The following MLLT10 variants were observed in gnomAD, a reference collection of about 807,000 sequenced individuals.
MLLT10 encodes the protein protein AF-10.
In MLLT10, 30 loss-of-function variants were observed where a neutral mutation model predicts 129.1. The observed-to-expected ratio is 0.23, with a 90% CI of 0.17 to 0.32. The LOEUF (loss-of-function observed/expected upper bound fraction) is 0.32. MLLT10 is among the 10% of genes least tolerant of loss of function. The probability of loss-of-function intolerance (pLI) is 1.00; values close to 1 mark genes in which losing one functional copy is unlikely to be tolerated. For synonymous variants in MLLT10, 490 were observed against 446.4 expected (o/e 1.10, Z -1.23); for missense variants, 1,119 against 1,268.3 (o/e 0.88, Z 1.79).
In MLLT10 at chr10:21,664,455, C is replaced by T. The variant is rs200843672; in HGVS notation, c.796-5994C>T. Among the ~76,000 whole-genome samples, 45 of 151,464 alleles carry T rather than the reference C, an allele frequency of 3.0e-4. 2 individuals are homozygous for T. The highest frequency in any genetic ancestry group is 9.7e-4 in the East Asian group (5 of 5,140). On this transcript the variant is annotated intron_variant, in intron 9 of 22. Transcript: ENST00000307729. ...CAGCCTCCCAAGTAGCTGGGACTTA[C>T]CCAGCTAATTTTTGTATTTTTAGTA...
intron 2 of MLLT10, among the ~76,000 whole-genome samples, chr10:21,538,530 C>T (rs2130891063): frequency 6.6e-6 from 1 of 151,886 alleles, no homozygotes. Flanking sequence ...TGTTCTGGAA[C>T]TCCTGGGCTC....
At chr10:21,565,646 C>G (rs2039456055) in intron 3 of MLLT10, among the ~76,000 whole-genome samples, 1 of 149,790 alleles carries the variant, frequency 6.7e-6, no homozygotes, top group East Asian at 2.0e-4. Flanking sequence ...TGCTCTGTCA[C>G]CCAGGCTGCA....
chr10:21,631,207 G>A (rs892679316), intron 8 of MLLT10, among the ~76,000 whole-genome samples: 1 of 151,522 alleles, frequency 6.6e-6, no homozygotes, highest in Non-Finnish European at 1.5e-5. Flanking sequence ...CCAGCTACTC[G>A]GAAGGCTGAG....
intron 4 of MLLT10, among the ~76,000 whole-genome samples, chr10:21,594,385 A>C (rs2042813680): frequency 1.3e-5 from 2 of 151,826 alleles, no homozygotes; most frequent in African/African-American, 4.8e-5. Context: ...CCCCACCCCT[A>C]CTAAAAATAC....
intron 8 of MLLT10, among the ~76,000 whole-genome samples, chr10:21,648,252 G>T (rs576219241): frequency 6.6e-6 from 1 of 152,282 alleles, no homozygotes; most frequent in East Asian, 1.9e-4. Context: ...ATGGATATAA[G>T]CCATGCACAG....
At chr10:21,693,103 G>A (rs2054031415) in intron 13 of MLLT10, among the ~76,000 whole-genome samples, 1 of 151,888 alleles carries the variant, frequency 6.6e-6, no homozygotes, top group Admixed American at 6.6e-5. Context: ...TCATCTCTTA[G>A]CTGAAGTACT....
At chr10:21,534,573 G>T in intron 1 of MLLT10, 53 bp downstream of exon 1, 1 of 1,492,254 alleles carries the variant, frequency 6.7e-7, no homozygotes, top group East Asian at 2.5e-5. Context: ...GGCGGGCTCG[G>T]GGGGCTGTGT....
intron 11 of MLLT10, among the ~76,000 whole-genome samples, chr10:21,678,913 A>G (rs1385589776): frequency 6.6e-6 from 1 of 152,180 alleles, no homozygotes; most frequent in Non-Finnish European, 1.5e-5. Flanking sequence ...TACAACTAGG[A>G]TGTAAAGCAG....
chr10:21,730,811 A>G, intron 16 of MLLT10, 89 bp from the exon 17 acceptor site: 1 of 1,416,244 alleles, frequency 7.1e-7, no homozygotes, highest in South Asian at 1.2e-5. Flanking sequence ...TAAAACTCAT[A>G]CAGGAGAAAA....
chr10:21,629,671 T>A (rs2046823072), intron 8 of MLLT10, among the ~76,000 whole-genome samples: 1 of 152,188 alleles, frequency 6.6e-6, no homozygotes, highest in African/African-American at 2.4e-5. Context: ...GGTTGAGTAG[T>A]AGAAGGATAA....
intron 3 of MLLT10, among the ~76,000 whole-genome samples, chr10:21,551,289 C>A (rs1286345339): frequency 1.1e-5 from 1 of 91,966 alleles, no homozygotes; most frequent in Admixed American, 1.1e-4. Flanking sequence ...CGGATTGTAC[C>A]TTTTTTTTTT....
chr10:21,614,540 A>T (rs974748040), intron 6 of MLLT10, among the ~76,000 whole-genome samples: 2 of 152,158 alleles, frequency 1.3e-5, no homozygotes, highest in Non-Finnish European at 2.9e-5. Context: ...AATGTATCTT[A>T]AACTTAATAT....
At chr10:21,695,061 C>CTTT (rs71393922) in intron 13 of MLLT10, among the ~76,000 whole-genome samples, 78 of 104,020 alleles carry the variant, frequency 7.5e-4, no homozygotes, top group East Asian at 1.9e-3. Context: ...TTTCTACCTT[C>CTTT]TTTTTTTTTT....
chr10:21,657,607 C>T lies in MLLT10; in HGVS notation c.795+5839C>T, dbSNP rs545031758. Among the ~76,000 whole-genome samples, 5 of 152,042 alleles carry T rather than the reference C, an allele frequency of 3.3e-5. No homozygotes were observed. In the East Asian group the frequency reaches 5.8e-4, roughly 18 times the overall value. On this transcript the variant is annotated intron_variant, in intron 9 of 22. Coordinates refer to ENST00000307729, the MANE Select transcript of MLLT10 (RefSeq NM_001195626.3). Reference sequence around the variant, plus strand: ...ATTAGAAGACTTAGTTGTTTCTCAGCGTCATTATAAATAGCTCACAATTTT... The same window carrying T: ...ATTAGAAGACTTAGTTGTTTCTCAGTGTCATTATAAATAGCTCACAATTTT...
chr10:21,701,212 T>C (rs1235242446), intron 13 of MLLT10, among the ~76,000 whole-genome samples: 1 of 152,068 alleles, frequency 6.6e-6, no homozygotes, highest in African/African-American at 2.4e-5. Context: ...CTTACCTCTT[T>C]TTTTTGCCTT....
intron 14 of MLLT10, among the ~76,000 whole-genome samples, chr10:21,716,749 C>G (rs980998451): frequency 2.5e-4 from 38 of 151,338 alleles, no homozygotes; most frequent in Non-Finnish European, 4.3e-4. Context: ...TTAAGAAAAC[C>G]ATCATACTTG....
intron 13 of MLLT10, among the ~76,000 whole-genome samples, chr10:21,697,200 C>T (rs1237856819): frequency 6.6e-6 from 1 of 150,676 alleles, no homozygotes; most frequent in Non-Finnish European, 1.5e-5. Context: ...GGCATGGTGG[C>T]TCATGCCTGT....
intron 13 of MLLT10, among the ~76,000 whole-genome samples, chr10:21,688,267 G>C (rs2053496228): frequency 6.6e-6 from 1 of 152,168 alleles, no homozygotes; most frequent in African/African-American, 2.4e-5. Context: ...AATGAGTTGT[G>C]TAATAATTAC....
intron 22 of MLLT10, among the ~76,000 whole-genome samples, chr10:21,741,033 TGTTTCCCGTTA>T (rs1229361529): frequency 6.6e-6 from 1 of 152,216 alleles, no homozygotes; most frequent in African/African-American, 2.4e-5. Flanking sequence ...CAGTGTTTGC[TGTTTCCCGTTA>T]CTTTGAAAGT....
Sources: gnomAD v4.1 joint callset for allele counts (sites outside exome capture counted in the v4.1 genomes callset) on GRCh38, gnomAD v4.1.1 for gene constraint, MANE v1.5 for transcripts, NCBI Gene and HGNC (gene_info 2026-07-23, HGNC 2026-07-21) for gene names.